The following TRIP13 variants were observed in gnomAD, a reference collection of about 807,000 sequenced individuals.
TRIP13 encodes pachytene checkpoint protein 2 homolog.
A neutral mutation model predicts 54.4 loss-of-function variants in TRIP13; 25 were observed. The observed-to-expected ratio is 0.46, with a 90% CI of 0.33 to 0.64. The LOEUF (loss-of-function observed/expected upper bound fraction) is 0.64. Among genes scored for constraint, TRIP13 ranks in the 30% least tolerant of loss-of-function variants. TRIP13 has a pLI of 0.02. For synonymous variants in TRIP13, 207 were observed against 207.8 expected, an observed-to-expected ratio of 1.00 and a Z score of 0.03; for missense variants, 373 against 534.2, an observed-to-expected ratio of 0.70 and a Z score of 2.97.
rs6555582 is a variant in TRIP13 at position 908,819 on chromosome 5, A to G, written c.866+358A>G. ...TAAAAATACAAAAAATTAGCTGGGC[A>G]TGATGGCGGGCGCCTGTAGTCCCAG... On this transcript the variant is annotated intron_variant, in intron 9 of 12. Coordinates refer to ENST00000166345, the MANE Select transcript of TRIP13 (RefSeq NM_004237.4). The surrounding 1 kb of genome is among the most constrained non-coding windows in gnomAD (Gnocchi z 5.2). 0.21 allele frequency: 75,525 copies of G among 365,476 alleles called. 17,395 individuals are homozygous for G. The highest frequency in any genetic ancestry group is 0.76 in the African/African-American group (35,537 of 46,530). The allele number at this position is 365,476 out of a possible 1,614,324, so 22.6% of individuals were successfully genotyped here. A position where few individuals can be genotyped will look rare whatever the true frequency, so the allele number is the denominator to read the frequency against.
chr5:910,876 A>G (rs558862230), intron 9 of TRIP13, among the ~76,000 whole-genome samples: 2 of 152,296 alleles, frequency 1.3e-5, no homozygotes, highest in Non-Finnish European at 2.9e-5. Context: ...CCGGGGACCC[A>G]CAGGCTCCCT....
intron 3 of TRIP13, among the ~76,000 whole-genome samples, chr5:897,205 G>A (rs878870782): frequency 2.7e-5 from 4 of 146,996 alleles, no homozygotes; most frequent in Non-Finnish European, 6.0e-5. Flanking sequence ...CCAAGCCCAG[G>A]GCTTCATTCA....
intron 9 of TRIP13, among the ~76,000 whole-genome samples, chr5:909,849 T>C (rs1754193767): frequency 1.3e-5 from 2 of 152,256 alleles, no homozygotes; most frequent in South Asian, 4.1e-4. Flanking sequence ...CTCATGCTAT[T>C]GTCTGTGGCT....
At chr5:916,117 G>C in intron 12 of TRIP13, 144 bp downstream of exon 12, 1 of 846,168 alleles carries the variant, frequency 1.2e-6, no homozygotes, top group Non-Finnish European at 1.9e-6. Context: ...AGGAGGAGCT[G>C]ACCTTGGCAC....
At position 904,137 on chromosome 5, in the gene TRIP13, C is replaced by T. The variant is rs765752491; in HGVS notation, c.536-11C>T. 1.9e-6 allele frequency: 3 copies of T among 1,598,800 alleles called. No homozygotes were observed. Among genetic ancestry groups the T allele is most frequent in the South Asian group, 2.3e-5 (2 of 86,860 alleles). On this transcript the variant is annotated splice_polypyrimidine_tract_variant and intron_variant, in intron 5 of 12. Transcript: ENST00000166345. ...GACTTAAAAATATATTTGCTTGGAT[C>T]TTTGTCACAGGTCCTCCTGGCACTG...
In TRIP13 at chr5:904,153, C is replaced by A. The variant is rs750793605; in HGVS notation, c.541C>A (p.Pro181Thr). The A allele has an allele frequency of 6.2e-7, 1 of 1,606,050 alleles. No individual in the cohort carries two copies. The change falls in exon 6 of 13, where the codon CCT becomes ACT. Residue 181 changes from proline to threonine, a missense_variant. Transcript: ENST00000166345. ...TGCTTGGATCTTTGTCACAGGTCCT[C>A]CTGGCACTGGAAAAACATCCCTGTG... ...WNRVVLLHGP[P>T]GTGKTSLCKA... is the part of the protein sequence containing the mutation.
intron 1 of TRIP13, 126 bp from the exon 2 acceptor site, chr5:894,661 A>C: frequency 8.7e-7 from 1 of 1,152,882 alleles, no homozygotes; most frequent in Non-Finnish European, 1.2e-6. Context: ...CAGGCAGGCC[A>C]ACTCCAACTT....
At position 913,548 on chromosome 5, in the gene TRIP13, G is replaced by A. The variant is rs1754283835; in HGVS notation, c.1021-917G>A. Among the ~76,000 whole-genome samples, 1 of 152,134 alleles carries A rather than the reference G, an allele frequency of 6.6e-6. No individual in the cohort carries two copies. The highest frequency in any genetic ancestry group is 6.5e-5 in the Admixed American group (1 of 15,276). On this transcript the variant is annotated intron_variant, in intron 10 of 12. Coordinates refer to ENST00000166345, the MANE Select transcript of TRIP13 (RefSeq NM_004237.4). The surrounding 1 kb of genome is among the most constrained non-coding windows in gnomAD (Gnocchi z 4.5). ...TTTTTGTATTTTCAGTAGAGAAAGG[G>A]TTTCATCATGTTGGCCTGGCTGGTC...
At chr5:914,642 T>C (rs1431649935) in intron 11 of TRIP13, 65 bp downstream of exon 11, 23 of 1,387,616 alleles carry the variant, frequency 1.7e-5, no homozygotes, top group Non-Finnish European at 1.2e-5. Context: ...AGGGAGTCAT[T>C]GTTTCCTTTG....
intron 1 of TRIP13, among the ~76,000 whole-genome samples, chr5:894,297 G>A (rs1438787416): frequency 1.3e-5 from 2 of 152,112 alleles, no homozygotes; most frequent in Admixed American, 1.3e-4. Context: ...AAGGGGAGGT[G>A]TTAGGAGGAC....
At chr5:909,582 A>T in intron 9 of TRIP13, among the ~76,000 whole-genome samples, 1 of 152,190 alleles carries the variant, frequency 6.6e-6, no homozygotes, top group Non-Finnish European at 1.5e-5. Context: ...GCGGCGCTAG[A>T]GGAATTAAAG....
chr5:905,450 T>G (rs1754095968), intron 6 of TRIP13, among the ~76,000 whole-genome samples: 1 of 152,248 alleles, frequency 6.6e-6, no homozygotes, highest in Admixed American at 6.5e-5. Context: ...CCTTCCCCTC[T>G]GGAATTCTGT....
chr5:901,883 A>G (rs1753998935), intron 5 of TRIP13, among the ~76,000 whole-genome samples: 1 of 152,152 alleles, frequency 6.6e-6, no homozygotes, highest in Admixed American at 6.5e-5. Flanking sequence ...TCAGCCTCCC[A>G]AAGTGCTGGG....
At chr5:894,515 A>G (rs1441434405) in intron 1 of TRIP13, among the ~76,000 whole-genome samples, 1 of 152,158 alleles carries the variant, frequency 6.6e-6, no homozygotes, top group Non-Finnish European at 1.5e-5. Context: ...TGAGTGTATT[A>G]ATGACTTCAC....
chr5:904,363 A>G, intron 6 of TRIP13, 143 bp downstream of exon 6: 1 of 663,468 alleles, frequency 1.5e-6, no homozygotes, highest in South Asian at 2.2e-5. Flanking sequence ...TATTCAGCAT[A>G]GTTTTGAGTT....
At chr5:900,361 C>G (rs1020940737) in intron 3 of TRIP13, 133 bp from the exon 4 acceptor site, 8 of 841,868 alleles carry the variant, frequency 9.5e-6, no homozygotes, top group Non-Finnish European at 1.5e-5. Context: ...TTATACTTTC[C>G]TGTAATCAGA....
chr5:892,975 G>C lies in TRIP13; in HGVS notation c.-24G>C. On this transcript the variant is annotated 5_prime_UTR_variant, in exon 1 of 13. Coordinates refer to ENST00000166345, the MANE Select transcript of TRIP13 (RefSeq NM_004237.4). ...GTGGCGGCGGCCGCGCCCTGGTTGG[G>C]TCCCCACTGCTCTCGGGGGCGCCAT... The C allele has an allele frequency of 6.5e-7, 1 of 1,534,684 alleles. No individual in the cohort carries two copies. The highest frequency in any genetic ancestry group is 8.7e-7 in the Non-Finnish European group (1 of 1,145,838).
At position 901,434 on chromosome 5, in the gene TRIP13, A is replaced by G. The variant is rs764640231; in HGVS notation, c.535+3A>G. The G allele has an allele frequency of 3.7e-6, 6 of 1,613,788 alleles. No homozygotes were observed. The East Asian group carries it at 1.1e-4, about 30-fold the overall frequency. ...GAACCGGGTGGTGCTGCTCCACGGTAAATTATGCAGGCTTTTATTTGACCA... is the reference window on the plus strand; with the variant it reads ...GAACCGGGTGGTGCTGCTCCACGGTGAATTATGCAGGCTTTTATTTGACCA... On this transcript the variant is annotated splice_donor_region_variant and intron_variant, in intron 5 of 12. Transcript: ENST00000166345.
chr5:908,748 G>A lies in TRIP13; in HGVS notation c.866+287G>A, dbSNP rs1156526750. ...CCGAGGCAGGCGGATCACAAGGTCAGTAGATTGAGACCATCCTGGCTGACA... is the reference window on the plus strand; with the variant it reads ...CCGAGGCAGGCGGATCACAAGGTCAATAGATTGAGACCATCCTGGCTGACA... On this transcript the variant is annotated intron_variant, in intron 9 of 12. Transcript: ENST00000166345. This position sits in a 1 kb window ranked among gnomAD's most constrained non-coding sequence, Gnocchi z 5.2. 2.2e-6 allele frequency: 2 copies of A among 913,572 alleles called. No individual in the cohort carries two copies. Among genetic ancestry groups the A allele is most frequent in the Non-Finnish European group, 2.9e-6 (2 of 695,202 alleles). The allele number at this position is 913,572 out of a possible 1,614,324, so 56.6% of individuals were successfully genotyped here.
Sources: gnomAD v4.1 joint callset for allele counts (sites outside exome capture counted in the v4.1 genomes callset) on GRCh38, gnomAD v4.1.1 for gene constraint, Gnocchi (gnomAD v3.1) non-coding constraint, MANE v1.5 for transcripts, NCBI Gene and HGNC (gene_info 2026-07-23, HGNC 2026-07-21) for gene names.